The following FIP1L1 variants were observed in gnomAD, a reference collection of about 807,000 sequenced individuals.
The protein encoded by FIP1L1 is pre-mRNA 3'-end-processing factor FIP1.
Under a neutral mutation model 84.6 loss-of-function variants are expected in FIP1L1, and 21 were observed. The ratio of observed to expected loss-of-function variants is 0.25; its 90% CI spans 0.18 to 0.36. The LOEUF (loss-of-function observed/expected upper bound fraction) is 0.36, where lower values mean the gene tolerates loss of function less well. Ranked by LOEUF, FIP1L1 falls within the 10% of genes least tolerant of loss-of-function variation. FIP1L1 has a pLI of 1.00. For missense variants in FIP1L1, 526 were observed against 751.1 expected, an observed-to-expected ratio of 0.70 and a Z score of 3.50; for synonymous variants, 263 against 242.3, an observed-to-expected ratio of 1.09 and a Z score of -0.80.
In FIP1L1 at chr4:53,458,638, C is replaced by A. The variant is rs764418094; in HGVS notation, c.1500-15C>A. 27 of 1,605,260 alleles carry A rather than the reference C, an allele frequency of 1.7e-5. No individual in the cohort carries two copies. The African/African-American group carries it at 3.1e-4, about 18-fold the overall frequency. On this transcript the variant is annotated splice_polypyrimidine_tract_variant and intron_variant, in intron 16 of 17. Coordinates refer to ENST00000337488, the MANE Select transcript of FIP1L1 (RefSeq NM_030917.4). The stretch of plus-strand genomic sequence containing the variant: ...TGGTCCAGTTGTCAAGAAAACATTT[C>A]TATTTCAATTTCAGCGATGAAGAAC...
At chr4:53,411,045 G>A (rs534527067) in intron 10 of FIP1L1, among the ~76,000 whole-genome samples, 21 of 152,188 alleles carry the variant, frequency 1.4e-4, no homozygotes, top group African/African-American at 4.6e-4. Context: ...CAGTCTTGTC[G>A]CTGCTTTTTG....
intron 3 of FIP1L1, among the ~76,000 whole-genome samples, chr4:53,380,023 A>G (rs1189796784): frequency 6.6e-6 from 1 of 152,202 alleles, no homozygotes; most frequent in Non-Finnish European, 1.5e-5. Context: ...GGATATGGGG[A>G]AATAAAACCC....
Position 53,414,728 on chromosome 4 carries a change from G to A in FIP1L1, c.923+6G>A, listed in dbSNP as rs557749689. 2.9e-5 allele frequency: 46 copies of A among 1,584,972 alleles called. No individual in the cohort carries two copies. Among genetic ancestry groups the A allele is most frequent in the African/African-American group, 4.0e-5 (3 of 74,284 alleles). On this transcript the variant is annotated splice_donor_region_variant and intron_variant, in intron 11 of 17. Transcript: ENST00000337488. ...GCCGAATCACCTGATCTAAGGTAAGGCTATTTTTAAACATTGGATACTCCC... is the reference window on the plus strand; with the variant it reads ...GCCGAATCACCTGATCTAAGGTAAGACTATTTTTAAACATTGGATACTCCC...
chr4:53,460,335 A>AGGT lies in FIP1L1; in HGVS notation c.*887_*889dup. On this transcript the variant is annotated 3_prime_UTR_variant, in exon 18 of 18. Transcript: ENST00000337488. ...GAGCATTTTTAGGGATAAGCCTAGG[A>AGGT]GGTATTCATCGGTGATGGTAACAAA... The AGGT allele has an allele frequency of 5.3e-6, 1 of 190,124 alleles. No homozygotes were observed. The highest frequency in any genetic ancestry group is 1.1e-5 in the Non-Finnish European group (1 of 90,874). 11.8% of individuals were successfully genotyped at this position (190,124 alleles called of 1,614,324 possible).
intron 9 of FIP1L1, among the ~76,000 whole-genome samples, chr4:53,395,223 G>A (rs1746585408): frequency 6.6e-6 from 1 of 152,152 alleles, no homozygotes; most frequent in Non-Finnish European, 1.5e-5. Context: ...AAGGTTGCTA[G>A]AATAGTGAGG....
chr4:53,446,234 C>T (rs1414485534), intron 15 of FIP1L1, among the ~76,000 whole-genome samples: 1 of 151,690 alleles, frequency 6.6e-6, no homozygotes, highest in African/African-American at 2.4e-5. Flanking sequence ...TAGTCATAGT[C>T]CTTGGGTTGT....
intron 10 of FIP1L1, among the ~76,000 whole-genome samples, chr4:53,413,800 G>C (rs1247614546): frequency 6.6e-6 from 1 of 152,064 alleles, no homozygotes. Context: ...CATGTTCACT[G>C]ATTTATTTTT....
intron 11 of FIP1L1, among the ~76,000 whole-genome samples, chr4:53,421,006 A>G (rs1446619384): frequency 1.3e-5 from 2 of 152,168 alleles, no homozygotes; most frequent in Non-Finnish European, 2.9e-5. Context: ...AAGCTTCAAA[A>G]AAGTATTGAT....
intron 11 of FIP1L1, among the ~76,000 whole-genome samples, chr4:53,423,951 AAGAC>A: frequency 6.6e-6 from 1 of 152,292 alleles, no homozygotes; most frequent in Non-Finnish European, 1.5e-5. Flanking sequence ...TAAATGGTAA[AAGAC>A]AGGCTATAGA....
chr4:53,447,217 A>T (rs1774592482), intron 15 of FIP1L1, among the ~76,000 whole-genome samples: 2 of 152,052 alleles, frequency 1.3e-5, no homozygotes, highest in South Asian at 4.1e-4. Flanking sequence ...ACCATCTGTT[A>T]TCTTTCAATA....
intron 11 of FIP1L1, among the ~76,000 whole-genome samples, chr4:53,416,774 T>A (rs1223228573): frequency 5.3e-5 from 8 of 151,986 alleles, no homozygotes; most frequent in Admixed American, 6.6e-5. Flanking sequence ...GACCAGCCTG[T>A]CCAACATGGT....
intron 5 of FIP1L1, among the ~76,000 whole-genome samples, chr4:53,385,551 A>G (rs10014172): frequency 0.11 from 17,321 of 152,142 alleles, 1,859 homozygotes; most frequent in South Asian, 0.28. Flanking sequence ...TATTCCTCAC[A>G]TTGCCTTAAA....
chr4:53,421,055 A>G (rs1231617387), intron 11 of FIP1L1, among the ~76,000 whole-genome samples: 1 of 152,176 alleles, frequency 6.6e-6, no homozygotes, highest in East Asian at 1.9e-4. Context: ...AGTCTGGTGT[A>G]CACCCTGTGC....
chr4:53,442,805 C>T (rs1045558425), intron 14 of FIP1L1, 98 bp downstream of exon 14: 1 of 654,296 alleles, frequency 1.5e-6, no homozygotes, highest in Non-Finnish European at 2.6e-6. Context: ...TTTATAAACA[C>T]AGCACCTGTC....
intron 7 of FIP1L1, among the ~76,000 whole-genome samples, 170 bp downstream of exon 7, chr4:53,390,798 A>G (rs1743874483): frequency 1.3e-5 from 2 of 152,194 alleles, no homozygotes; most frequent in East Asian, 3.8e-4. Context: ...GTGGCCTTGT[A>G]TTACTTAAAA....
chr4:53,426,059 T>C, intron 12 of FIP1L1, 94 bp downstream of exon 12: 1 of 795,352 alleles, frequency 1.3e-6, no homozygotes, highest in Non-Finnish European at 2.0e-6. Flanking sequence ...AGTGCTATGC[T>C]GTGTTTTAGG....
chr4:53,391,377 TATTA>T, intron 8 of FIP1L1, 49 bp from the exon 9 acceptor site: 1 of 1,449,940 alleles, frequency 6.9e-7, no homozygotes, highest in East Asian at 2.3e-5. Context: ...TTATATGGCC[TATTA>T]ATTAAATATT....
chr4:53,394,465 AT>A (rs751952158), intron 9 of FIP1L1, among the ~76,000 whole-genome samples: 1 of 151,950 alleles, frequency 6.6e-6, no homozygotes, highest in East Asian at 1.9e-4. Context: ...TGGTAATCAG[AT>A]TTTTTCAGAT....
At chr4:53,379,142 A>G (rs1403144110) in intron 2 of FIP1L1, 25 bp downstream of exon 2, 4 of 1,612,930 alleles carry the variant, frequency 2.5e-6, no homozygotes, top group African/African-American at 1.3e-5. Context: ...TGATCACTTC[A>G]GATTTTCATA....
Sources: gnomAD v4.1 joint callset for allele counts (sites outside exome capture counted in the v4.1 genomes callset) on GRCh38, gnomAD v4.1.1 for gene constraint, MANE v1.5 for transcripts, NCBI Gene and HGNC (gene_info 2026-07-23, HGNC 2026-07-21) for gene names.